SOD2: variants seen among roughly 807,000 people sequenced by gnomAD.
SOD2 encodes superoxide dismutase [Mn], mitochondrial.
SOD2 carries 11 observed loss-of-function variants against 27.0 expected under a neutral mutation model. That is an observed-to-expected ratio of 0.41 (90% CI 0.26 to 0.67). SOD2 has a LOEUF of 0.67. Among genes scored for constraint, SOD2 ranks in the 30% least tolerant of loss-of-function variants. The probability of loss-of-function intolerance (pLI) is 0.34; values close to 1 mark genes in which losing one functional copy is unlikely to be tolerated. For synonymous variants in SOD2, 105 were observed against 103.0 expected (o/e 1.02, Z -0.12); for missense variants, 250 against 274.5 (o/e 0.91, Z 0.63).
At chr6:159,741,154 C>T (rs1779232340) in intron 1 of SOD2, among the ~76,000 whole-genome samples, 1 of 152,116 alleles carries the variant, frequency 6.6e-6, no homozygotes, top group South Asian at 2.1e-4. Flanking sequence ...GGGTGCTTTC[C>T]ATTAGGAACT....
intron 1 of SOD2, among the ~76,000 whole-genome samples, chr6:159,716,073 C>T (rs551413620): frequency 6.6e-6 from 1 of 152,182 alleles, no homozygotes; most frequent in South Asian, 2.1e-4. Context: ...GTAAAAACAA[C>T]AACAATAAAG....
intron 1 of SOD2, chr6:159,726,119 G>A (rs1446780435): frequency 6.6e-6 from 1 of 152,438 alleles, no homozygotes; most frequent in Non-Finnish European, 1.5e-5. Flanking sequence ...CAAGGTATAA[G>A]AATAAACACA....
chr6:159,760,585 G>A (rs1780103154), intron 1 of SOD2: 1 of 152,212 alleles, frequency 6.6e-6, no homozygotes, highest in South Asian at 2.1e-4. Flanking sequence ...GTGCTTGTAA[G>A]AATTTAAATG....
chr6:159,759,146 G>A (rs555812993), intron 1 of SOD2, among the ~76,000 whole-genome samples: 2 of 149,782 alleles, frequency 1.3e-5, no homozygotes, highest in Admixed American at 6.6e-5. Flanking sequence ...CACAACCTCC[G>A]CCTCCCAGGT....
At chr6:159,721,757 C>T (rs1237436525) in intron 1 of SOD2, among the ~76,000 whole-genome samples, 9 of 142,860 alleles carry the variant, frequency 6.3e-5, no homozygotes. Context: ...GAACTCCTGA[C>T]CTCATGATCT....
intron 1 of SOD2, among the ~76,000 whole-genome samples, chr6:159,736,906 A>G (rs753145546): frequency 6.6e-6 from 1 of 152,240 alleles, no homozygotes; most frequent in Non-Finnish European, 1.5e-5. Context: ...CAATTGGGAA[A>G]GCTTACTAAA....
chr6:159,755,540 C>T (rs1489247488), intron 1 of SOD2: 1 of 1,614,094 alleles, frequency 6.2e-7, no homozygotes, highest in Non-Finnish European at 8.5e-7. Context: ...GAAAGGTAAT[C>T]GAACTGTGGG....
chr6:159,746,627 G>C (rs527614994), upstream of SOD2, among the ~76,000 whole-genome samples: 1 of 152,122 alleles, frequency 6.6e-6, no homozygotes, highest in Non-Finnish European at 1.5e-5. Flanking sequence ...AATTAGCCAC[G>C]TAGTTACTAT....
rs1458647547 is a variant in SOD2 at position 159,671,366 on chromosome 6, A to G, written c.*11127T>C. The G allele has an allele frequency of 6.6e-6, 1 of 152,442 alleles. No individual in the cohort carries two copies. Among genetic ancestry groups the G allele is most frequent in the Non-Finnish European group, 1.5e-5 (1 of 68,248 alleles). The allele number at this position is 152,442 out of a possible 1,614,324, so 9.4% of individuals were successfully genotyped here. A position where few individuals can be genotyped will look rare whatever the true frequency, so the allele number is the denominator to read the frequency against. ...CCAAGTAGGGGCAGACTGACACCCC[A>G]CATGGCCGGGTACCCCTCTGAGATG... On this transcript the variant is annotated 3_prime_UTR_variant, in exon 5 of 5. Transcript: ENST00000538183.
intron 1 of SOD2, among the ~76,000 whole-genome samples, chr6:159,737,812 G>A (rs1779012895): frequency 6.6e-6 from 1 of 152,198 alleles, no homozygotes; most frequent in Non-Finnish European, 1.5e-5. Context: ...ACTGAGGTAG[G>A]AGAGGTATCT....
intron 1 of SOD2, chr6:159,755,377 G>A (rs1779963401): frequency 1.1e-5 from 18 of 1,614,232 alleles, no homozygotes; most frequent in Non-Finnish European, 1.5e-5. Flanking sequence ...GCTCAGAGGA[G>A]AGAACTGGCA....
intron 1 of SOD2, chr6:159,754,968 A>G: frequency 6.8e-7 from 1 of 1,469,492 alleles, no homozygotes; most frequent in Non-Finnish European, 9.1e-7. Flanking sequence ...GCAGGCACTA[A>G]AGAAACATTT....
chr6:159,682,719 T>C lies in SOD2; in HGVS notation c.524-81A>G, dbSNP rs1197736197. The C allele has an allele frequency of 2.2e-6, 3 of 1,384,890 alleles. No individual in the cohort carries two copies. In the East Asian group the frequency reaches 7.5e-5, roughly 35 times the overall value. The allele number at this position is 1,384,890 out of a possible 1,614,324, so 85.8% of individuals were successfully genotyped here. On this transcript the variant is annotated intron_variant, in intron 4 of 4. Coordinates refer to ENST00000538183, the MANE Select transcript of SOD2 (RefSeq NM_000636.4). The stretch of plus-strand genomic sequence containing the variant: ...ATCTTCTCAATTTCAACTTTTATTA[T>C]TCTACTCACACAAAATTACCCTTTG...
At chr6:159,722,224 A>C (rs1385054605) in intron 1 of SOD2, among the ~76,000 whole-genome samples, 2 of 152,040 alleles carry the variant, frequency 1.3e-5, no homozygotes, top group Non-Finnish European at 2.9e-5. Context: ...AAAAAACAAA[A>C]AAGCAAGCAA....
In SOD2 at chr6:159,669,789, T is replaced by A. The variant is rs1223523763; in HGVS notation, c.*12704A>T. On this transcript the variant is annotated 3_prime_UTR_variant, in exon 5 of 5. Coordinates refer to ENST00000538183, the MANE Select transcript of SOD2 (RefSeq NM_000636.4). ...ATAGTTATTTCTGCTCTTTTTTGGC[T>A]TCCATTTGTATGCAATATCTTTCTC... is the stretch of plus-strand genomic sequence containing the variant. The A allele has an allele frequency of 2.0e-5, 3 of 152,250 alleles. No individual in the cohort carries two copies. Among genetic ancestry groups the A allele is most frequent in the Non-Finnish European group, 4.4e-5 (3 of 68,032 alleles). The allele number at this position is 152,250 out of a possible 1,614,324, so 9.4% of individuals were successfully genotyped here.
intron 1 of SOD2, among the ~76,000 whole-genome samples, chr6:159,750,285 T>C (rs910973429): frequency 2.6e-5 from 4 of 152,248 alleles, no homozygotes; most frequent in Admixed American, 2.6e-4. Context: ...AAATGTATTA[T>C]TAACATGTAC....
chr6:159,704,756 C>G (rs1777590405), intron 1 of SOD2, among the ~76,000 whole-genome samples: 1 of 152,246 alleles, frequency 6.6e-6, no homozygotes, highest in Non-Finnish European at 1.5e-5. Context: ...ATGTCCCTGT[C>G]TGACAGCTTT....
upstream of SOD2, among the ~76,000 whole-genome samples, chr6:159,746,870 T>C (rs1779607941): frequency 6.6e-6 from 1 of 152,196 alleles, no homozygotes; most frequent in South Asian, 2.1e-4. Flanking sequence ...AATGAAAGTG[T>C]TGACTATTGG....
At chr6:159,755,186 G>C in intron 1 of SOD2, 1 of 1,614,170 alleles carries the variant, frequency 6.2e-7, no homozygotes, top group Non-Finnish European at 8.5e-7. Context: ...CAGGACTACA[G>C]CTTCTGAACC....
Sources: gnomAD v4.1 joint callset for allele counts (sites outside exome capture counted in the v4.1 genomes callset) on GRCh38, gnomAD v4.1.1 for gene constraint, MANE v1.5 for transcripts, NCBI Gene and HGNC (gene_info 2026-07-23, HGNC 2026-07-21) for gene names.